HHIPL2: variants seen among roughly 807,000 people sequenced by gnomAD.
HHIPL2 encodes the protein HHIP-like protein 2.
HHIPL2 carries 61 observed loss-of-function variants against 61.0 expected under a neutral mutation model. That is an observed-to-expected ratio of 1.00 (90% CI 0.81 to 1.24). The LOEUF (loss-of-function observed/expected upper bound fraction) is 1.24. Ranked by LOEUF, HHIPL2 falls within the 50% of genes most tolerant of loss-of-function variation. The pLI, the probability that HHIPL2 is intolerant of heterozygous loss-of-function variation, is 0.00. For synonymous variants in HHIPL2, 343 were observed against 357.4 expected (o/e 0.96, Z 0.45); for missense variants, 885 against 910.2 (o/e 0.97, Z 0.36).
intron 6 of HHIPL2, 144 bp downstream of exon 6, chr1:222,531,822 G>A (rs756118542): frequency 1.7e-6 from 1 of 583,784 alleles, no homozygotes; most frequent in Non-Finnish European, 2.8e-6. Context: ...GCTTAGAATA[G>A]TATCCAGTAC....
At chr1:222,538,833 A>G (rs1659363872) in intron 4 of HHIPL2, 59 bp from the exon 5 acceptor site, 1 of 1,589,722 alleles carries the variant, frequency 6.3e-7, no homozygotes, top group Admixed American at 1.8e-5. Context: ...AGCTTCAAGG[A>G]GGAAGAAGGG....
At position 222,523,631 on chromosome 1, in the gene HHIPL2, G is replaced by A. The variant is rs1345809794; in HGVS notation, c.1869C>T (p.Ile623=). 1.2e-6 allele frequency: 2 copies of A among 1,614,182 alleles called. No individual in the cohort carries two copies. Residue 623 remains isoleucine (I), a synonymous_variant, in exon 8 of 9, where the codon ATC becomes ATT. Coordinates refer to ENST00000343410, the MANE Select transcript of HHIPL2 (RefSeq NM_024746.4). Reference sequence around the variant, plus strand: ...ACTCACTGGCGAGTGGTCTGAACGGGATCCGCTTACTCTTGGTTCTCACGG... The same window carrying A: ...ACTCACTGGCGAGTGGTCTGAACGGAATCCGCTTACTCTTGGTTCTCACGG... ...PVPVRTKSKR[I]PFRPLAKTVL...
chr1:222,524,909 C>T (rs924074457), intron 7 of HHIPL2: 1 of 152,140 alleles, frequency 6.6e-6, no homozygotes, highest in Non-Finnish European at 1.5e-5. Flanking sequence ...CTATTCCAGG[C>T]TCCTCTTAGT....
intron 6 of HHIPL2, among the ~76,000 whole-genome samples, chr1:222,529,313 G>C (rs1322315908): frequency 2.0e-5 from 3 of 152,150 alleles, no homozygotes; most frequent in East Asian, 1.9e-4. Flanking sequence ...CCCTCCTTTA[G>C]AGTCAGTTTG....
chr1:222,545,695 G>A (rs17463586), intron 1 of HHIPL2, among the ~76,000 whole-genome samples: 80,114 of 151,756 alleles, frequency 0.53, 22,633 homozygotes, highest in East Asian at 0.85. Flanking sequence ...CTCAGTAAAT[G>A]AACAGATACT....
intron 5 of HHIPL2, among the ~76,000 whole-genome samples, chr1:222,537,429 A>C (rs1659323309): frequency 6.6e-6 from 1 of 151,590 alleles, no homozygotes; most frequent in Non-Finnish European, 1.5e-5. Context: ...AAGCCAGTTA[A>C]AAAATAAGAG....
chr1:222,542,288 T>A, intron 2 of HHIPL2, 133 bp from the exon 3 acceptor site: 2 of 973,306 alleles, frequency 2.1e-6, no homozygotes, highest in Non-Finnish European at 3.1e-6. Context: ...TCTGAGTTTT[T>A]AAGGATCACA....
In HHIPL2 at chr1:222,543,815, G is replaced by C; in HGVS notation, c.696C>G (p.Phe232Leu). The stretch of plus-strand genomic sequence containing the variant: ...CCACTCCTACCTGCTCGGCAACAAA[G>C]AAGCGATGGGTGCCGTCCCCAGCAT... ...MVHAGDGTHR[F>L]FVAEQVGVVW... The change falls in exon 2 of 9, where the codon TTC becomes TTG. Residue 232 changes from phenylalanine (F) to leucine (L), a missense_variant. Phe to Leu is a conservative substitution (Grantham distance 22). Coordinates refer to ENST00000343410, the MANE Select transcript of HHIPL2 (RefSeq NM_024746.4). The C allele has an allele frequency of 6.2e-7, 1 of 1,614,156 alleles. No homozygotes were observed. Among genetic ancestry groups the C allele is most frequent in the Non-Finnish European group, 8.5e-7 (1 of 1,180,032 alleles).
At chr1:222,526,846 C>G (rs2102609791) in intron 7 of HHIPL2, 123 bp downstream of exon 7, 1 of 715,232 alleles carries the variant, frequency 1.4e-6, no homozygotes, top group South Asian at 1.8e-5. Context: ...CATTATTTGT[C>G]CAAACTGCTT....
chr1:222,544,119 C>G lies in HHIPL2; in HGVS notation c.392G>C (p.Gly131Ala). The G allele has an allele frequency of 1.9e-6, 3 of 1,613,972 alleles. No individual in the cohort carries two copies. Among genetic ancestry groups the G allele is most frequent in the Non-Finnish European group, 2.5e-6 (3 of 1,180,034 alleles). Residue 131 changes from glycine (G) to alanine (A), a missense_variant, in exon 2 of 9, where the codon GGC becomes GCC. Coordinates refer to ENST00000343410, the MANE Select transcript of HHIPL2 (RefSeq NM_024746.4). ...NTQTPLRNLP[G>A]LCSDYCSAFH... ...GGCAGAGCAGTAATCAGAGCAGAGG[C>G]CCGGGAGATTCCGGAGAGGCGTCTG...
At chr1:222,530,781 G>T (rs1659170741) in intron 6 of HHIPL2, among the ~76,000 whole-genome samples, 1 of 150,536 alleles carries the variant, frequency 6.6e-6, no homozygotes, top group South Asian at 2.1e-4. Flanking sequence ...GATTTGTTTT[G>T]TTTTCTGTTG....
At chr1:222,525,548 C>G (rs1232083051) in intron 7 of HHIPL2, among the ~76,000 whole-genome samples, 1 of 152,190 alleles carries the variant, frequency 6.6e-6, no homozygotes, top group Non-Finnish European at 1.5e-5. Flanking sequence ...CCCCCAAGCC[C>G]TAACCAGTGG....
rs1396425121 is a variant in HHIPL2, at chr1:222,522,673, C to T, written c.2103G>A (p.Lys701=). ...GPHVRQGKRR[K]SLKSHSGRMR... ...TCCTGCCACTGTGGCTTTTCAGGCT[C>T]TTCCTCCTCTTGCCCTGGCGGACGT... The change falls in exon 9 of 9, where the codon AAG becomes AAA. Residue 701 remains lysine (K), a synonymous_variant. Transcript: ENST00000343410. 3.1e-6 allele frequency: 5 copies of T among 1,614,108 alleles called. No homozygotes were observed. In the East Asian group the frequency reaches 8.9e-5, roughly 29 times the overall value.
intron 4 of HHIPL2, among the ~76,000 whole-genome samples, chr1:222,539,527 T>TAAAAAAAAA (rs10537670): frequency 3.5e-5 from 3 of 85,186 alleles, no homozygotes; most frequent in Non-Finnish European, 7.1e-5. Flanking sequence ...AGACTCTGTC[T>TAAAAAAAAA]AAAAAAAAAA....
chr1:222,529,608 C>A lies in HHIPL2; in HGVS notation c.1723+2358G>T, dbSNP rs114482161. On this transcript the variant is annotated intron_variant, in intron 6 of 8. Coordinates refer to ENST00000343410, the MANE Select transcript of HHIPL2 (RefSeq NM_024746.4). ...TCCAACTGATATTTTTAATATACAT[C>A]TTAGGGGAGAAAAACAAAAAAACTA... Among the ~76,000 whole-genome samples, 398 of 152,236 alleles carry A rather than the reference C, an allele frequency of 2.6e-3. 1 individual carries two copies. Among genetic ancestry groups the A allele is most frequent in the African/African-American group, 9.3e-3 (387 of 41,530 alleles).
At position 222,522,737 on chromosome 1, in the gene HHIPL2, C is replaced by G. The variant is rs777088140; in HGVS notation, c.2039G>C (p.Arg680Pro). 1.9e-6 allele frequency: 3 copies of G among 1,614,112 alleles called. No homozygotes were observed. Among genetic ancestry groups the G allele is most frequent in the Non-Finnish European group, 8.5e-7 (1 of 1,180,040 alleles). Residue 680 changes from arginine to proline, a missense_variant, in exon 9 of 9, where the codon CGA (arginine) becomes CCA (proline). By Grantham distance (103) the Arg-to-Pro change is moderately radical (BLOSUM62 -2). Coordinates refer to ENST00000343410, the MANE Select transcript of HHIPL2 (RefSeq NM_024746.4). Reference sequence around the variant, plus strand: ...GGCTTTCTTCTTTGTACCAGGCCCTCGCAATGTATTCTTGCTGCTTGTAGG... The same window carrying G: ...GGCTTTCTTCTTTGTACCAGGCCCTGGCAATGTATTCTTGCTGCTTGTAGG... ...ASPTSSKNTLRGPGTKKKARV... is the reference protein window; with the variant it reads ...ASPTSSKNTLPGPGTKKKARV...
At chr1:222,531,769 G>A (rs4846372) in intron 6 of HHIPL2, among the ~76,000 whole-genome samples, 197 bp downstream of exon 6, 151,574 of 152,318 alleles carry the variant, frequency 1, 75,423 homozygotes, top group Middle Eastern at 1. Context: ...TAATTATATC[G>A]TGGGGGTGTT....
rs3748663 is a variant in HHIPL2, at chr1:222,540,159, C to A, written c.1301G>T (p.Arg434Leu). Residue 434 changes from arginine to leucine, a missense_variant, in exon 4 of 9, where the codon CGC becomes CTC. Transcript: ENST00000343410. ...ACAGAATATCCGGCCTCGGCCCTGG[C>A]GCGTGATGGGGTCCCCTCGGTCCAC... Reference protein sequence around the residue: ...CAVDRGDPITRQGRGRIFCGD... With the variant: ...CAVDRGDPITLQGRGRIFCGD... 0.08 allele frequency: 129,051 copies of A among 1,614,190 alleles called. 5,738 individuals are homozygous for A. Among genetic ancestry groups the A allele is most frequent in the African/African-American group, 0.15 (11,472 of 75,024 alleles).
chr1:222,546,883 T>C (rs891955812), intron 1 of HHIPL2, among the ~76,000 whole-genome samples: 5 of 152,226 alleles, frequency 3.3e-5, no homozygotes, highest in Non-Finnish European at 5.9e-5. Context: ...CAAGTCATTG[T>C]GCTGACAAGC....
Sources: gnomAD v4.1 joint callset for allele counts (sites outside exome capture counted in the v4.1 genomes callset) on GRCh38, gnomAD v4.1.1 for gene constraint, MANE v1.5 for transcripts, NCBI Gene and HGNC (gene_info 2026-07-23, HGNC 2026-07-21) for gene names.